Variants in CLSTN2 observed in about 807,000 individuals in gnomAD.
The protein encoded by CLSTN2 is calsyntenin 2, also known as calsyntenin-2.
Under a neutral mutation model 101.2 loss-of-function variants are expected in CLSTN2, and 48 were observed. The ratio of observed to expected loss-of-function variants is 0.47; its 90% CI spans 0.38 to 0.60. The LOEUF is 0.60. Among genes scored for constraint, CLSTN2 ranks in the 20% least tolerant of loss-of-function variants. CLSTN2 has a pLI of 0.00. For missense variants in CLSTN2, 1,160 were observed against 1,238.2 expected, an observed-to-expected ratio of 0.94 and a Z score of 0.95; for synonymous variants, 481 against 463.6, an observed-to-expected ratio of 1.04 and a Z score of -0.48.
chr3:140,552,818 G>A (rs564371884), intron 10 of CLSTN2, among the ~76,000 whole-genome samples: 52 of 152,240 alleles, frequency 3.4e-4, no homozygotes, highest in African/African-American at 9.9e-4. Flanking sequence ...GGATGCAGAC[G>A]GACAGATAGC....
intron 2 of CLSTN2, among the ~76,000 whole-genome samples, chr3:140,370,441 TCTGGCATATG>T (rs2087840494): frequency 6.6e-6 from 1 of 152,054 alleles, no homozygotes; most frequent in Non-Finnish European, 1.5e-5. Context: ...CAACACAGCG[TCTGGCATATG>T]GTAGGTGCTC....
At chr3:140,427,236 TATATATATAC>T (rs2088581504) in intron 5 of CLSTN2, among the ~76,000 whole-genome samples, 1 of 119,784 alleles carries the variant, frequency 8.3e-6, no homozygotes, top group Admixed American at 8.4e-5. Context: ...TGTGTATATA[TATATATATAC>T]ATATATATAT....
At chr3:140,339,342 T>C (rs2087470824) in intron 2 of CLSTN2, among the ~76,000 whole-genome samples, 1 of 152,118 alleles carries the variant, frequency 6.6e-6, no homozygotes, top group African/African-American at 2.4e-5. Context: ...CCACCTCCTT[T>C]CTCCAAGGAA....
At chr3:140,565,977 G>A (rs980235788) in intron 16 of CLSTN2, 76 bp from the exon 17 acceptor site, 1 of 1,582,092 alleles carries the variant, frequency 6.3e-7, no homozygotes, top group East Asian at 2.3e-5. Context: ...TTCCTTAATG[G>A]ATGGAGAGAC....
At chr3:140,227,250 T>C (rs1268919244) in intron 2 of CLSTN2, among the ~76,000 whole-genome samples, 1 of 152,102 alleles carries the variant, frequency 6.6e-6, no homozygotes, top group Non-Finnish European at 1.5e-5. Context: ...ATACAGCCAA[T>C]CCAAATGGGA....
chr3:140,081,780 T>A (rs2008603446), intron 1 of CLSTN2, among the ~76,000 whole-genome samples: 1 of 152,068 alleles, frequency 6.6e-6, no homozygotes, highest in African/African-American at 2.4e-5. Context: ...GGATTTAGCA[T>A]CACTCTACTC....
intron 1 of CLSTN2, among the ~76,000 whole-genome samples, chr3:139,948,611 A>C (rs1344697349): frequency 6.6e-6 from 1 of 152,184 alleles, no homozygotes; most frequent in Non-Finnish European, 1.5e-5. Flanking sequence ...GGAAGTGTGA[A>C]TGAGGTGACT....
intron 2 of CLSTN2, among the ~76,000 whole-genome samples, chr3:140,252,493 C>G (rs1161408730): frequency 1.3e-5 from 2 of 152,140 alleles, no homozygotes; most frequent in Non-Finnish European, 2.9e-5. Flanking sequence ...TCTGCCTTTC[C>G]TGACACAGAA....
intron 2 of CLSTN2, among the ~76,000 whole-genome samples, chr3:140,396,367 T>C (rs780867221): frequency 5.9e-5 from 9 of 152,194 alleles, no homozygotes; most frequent in Non-Finnish European, 1.2e-4. Flanking sequence ...ACATTCAAAA[T>C]ATTTCTGATG....
At chr3:139,963,149 G>A (rs748002735) in intron 1 of CLSTN2, among the ~76,000 whole-genome samples, 1 of 152,060 alleles carries the variant, frequency 6.6e-6, no homozygotes, top group Non-Finnish European at 1.5e-5. Flanking sequence ...TAGGAACTCA[G>A]CTTGGAGTGA....
At chr3:140,222,156 G>A (rs1012304888) in intron 2 of CLSTN2, among the ~76,000 whole-genome samples, 2 of 151,940 alleles carry the variant, frequency 1.3e-5, no homozygotes, top group South Asian at 2.1e-4. Context: ...ATGAGATCCT[G>A]CCATTTGCAA....
intron 2 of CLSTN2, among the ~76,000 whole-genome samples, chr3:140,280,025 G>A (rs2086829631): frequency 6.6e-6 from 1 of 152,204 alleles, no homozygotes; most frequent in Admixed American, 6.5e-5. Flanking sequence ...TAGGGACCCT[G>A]TTTTGTTCAA....
At chr3:140,189,437 G>C (rs1040664001) in intron 2 of CLSTN2, among the ~76,000 whole-genome samples, 6 of 152,058 alleles carry the variant, frequency 3.9e-5, no homozygotes, top group African/African-American at 1.4e-4. Flanking sequence ...TTTTATTATA[G>C]TCATTTAGGT....
At chr3:140,198,664 C>T (rs953086970) in intron 2 of CLSTN2, among the ~76,000 whole-genome samples, 7 of 152,168 alleles carry the variant, frequency 4.6e-5, no homozygotes, top group East Asian at 3.8e-4. Context: ...CAAACTTTTT[C>T]GTAGTGGATC....
chr3:140,181,103 A>G (rs2010401204), intron 2 of CLSTN2, among the ~76,000 whole-genome samples: 1 of 152,236 alleles, frequency 6.6e-6, no homozygotes, highest in African/African-American at 2.4e-5. Flanking sequence ...GCTTTGGCCC[A>G]AACTCACATA....
At chr3:140,323,908 G>T (rs1559838999) in intron 2 of CLSTN2, among the ~76,000 whole-genome samples, 1 of 152,154 alleles carries the variant, frequency 6.6e-6, no homozygotes, top group African/African-American at 2.4e-5. Context: ...TCACAACATG[G>T]CTGCAACAGT....
At chr3:140,553,439 A>G (rs1482831403) in intron 10 of CLSTN2, among the ~76,000 whole-genome samples, 3 of 152,196 alleles carry the variant, frequency 2.0e-5, no homozygotes, top group Non-Finnish European at 4.4e-5. Flanking sequence ...TGCATTTTGT[A>G]CTAGAACTGG....
intron 2 of CLSTN2, among the ~76,000 whole-genome samples, chr3:140,197,822 C>T (rs1472639892): frequency 6.6e-6 from 1 of 152,148 alleles, no homozygotes; most frequent in Non-Finnish European, 1.5e-5. Flanking sequence ...CAGAAGACCT[C>T]AGTTTTAGTT....
Position 140,148,692 on chromosome 3 carries a change from C to T in CLSTN2, c.110-27259C>T, listed in dbSNP as rs145165990. Among the ~76,000 whole-genome samples the T allele has an allele frequency of 2.3e-3, 351 of 152,272 alleles. 1 individual carries two copies. The highest frequency in any genetic ancestry group is 8.0e-3 in the African/African-American group (332 of 41,550). ...TCTGGGTAATAAACGGGAATGGCTC[C>T]TCTGGAAAGTTGGGAGAAAAGGAAG... On this transcript the variant is annotated intron_variant, in intron 1 of 16. Coordinates refer to ENST00000458420, the MANE Select transcript of CLSTN2 (RefSeq NM_022131.3).
Sources: allele counts gnomAD v4.1 joint callset (sites outside exome capture counted in the v4.1 genomes callset), GRCh38; gene constraint gnomAD v4.1.1; transcripts MANE v1.5; gene names NCBI Gene and HGNC (gene_info 2026-07-23, HGNC 2026-07-21).